The following ZSCAN12 variants were observed in gnomAD, a reference collection of about 807,000 sequenced individuals.
ZSCAN12 encodes the protein zinc finger and SCAN domain-containing protein 12.
A neutral mutation model predicts 23.4 loss-of-function variants in ZSCAN12; 18 were observed. That is an observed-to-expected ratio of 0.77 (90% confidence interval 0.53 to 1.14). The LOEUF is 1.14. Ranked by LOEUF, ZSCAN12 falls within the 50% of genes most tolerant of loss-of-function variation. The pLI is 0.00. For missense variants in ZSCAN12, 650 were observed against 735.0 expected (o/e 0.88, Z 1.34); for synonymous variants, 186 against 253.4 (o/e 0.73, Z 2.53).
intron 2 of ZSCAN12, among the ~76,000 whole-genome samples, chr6:28,396,531 A>T (rs1405240690): frequency 1.3e-5 from 2 of 152,134 alleles, no homozygotes; most frequent in East Asian, 3.9e-4. Context: ...CATCACTTCC[A>T]AACAGTTCTT....
intron 2 of ZSCAN12, among the ~76,000 whole-genome samples, chr6:28,396,674 G>A (rs868669126): frequency 1.3e-5 from 2 of 151,926 alleles, no homozygotes; most frequent in East Asian, 1.9e-4. Flanking sequence ...GCACAATCTC[G>A]GCTCACTGCA....
At chr6:28,395,847 T>C (rs1164883599) in intron 2 of ZSCAN12, among the ~76,000 whole-genome samples, 1 of 152,222 alleles carries the variant, frequency 6.6e-6, no homozygotes, top group African/African-American at 2.4e-5. Flanking sequence ...TATGGCTTGC[T>C]CTTTTCATTC....
chr6:28,386,583 T>C lies in ZSCAN12; in HGVS notation c.*3871A>G, dbSNP rs534443478. 4.2e-4 allele frequency among the ~76,000 whole-genome samples: 64 copies of C among 152,340 alleles called. No homozygotes were observed. The highest frequency in any genetic ancestry group is 1.9e-3 in the South Asian group (9 of 4,830). ...TTCACTGCATTCCCTAATGTAGCAC[T>C]CCTATTCCATATCTAACATGTCACA... On this transcript the variant is annotated 3_prime_UTR_variant, in exon 4 of 4. Transcript: ENST00000684592.
chr6:28,379,522 C>A (rs1760120720), exon 5 of ZSCAN12: 2 of 152,316 alleles, frequency 1.3e-5, no homozygotes, highest in African/African-American at 2.4e-5. Flanking sequence ...ATCACTTGAA[C>A]CTGGGAGGCG....
downstream of ZSCAN12, among the ~76,000 whole-genome samples, chr6:28,383,403 G>T (rs1018255329): frequency 1.3e-5 from 2 of 152,148 alleles, no homozygotes; most frequent in Admixed American, 6.6e-5. Context: ...AGGCCAGAAA[G>T]GTCGGTACTT....
chr6:28,397,871 G>A (rs919467261), intron 2 of ZSCAN12, 133 bp downstream of exon 2: 5 of 1,149,336 alleles, frequency 4.4e-6, no homozygotes, highest in East Asian at 5.3e-5. Flanking sequence ...CCAACTTTCC[G>A]TGAAACTCAT....
chr6:28,395,538 C>T (rs1761063104), intron 2 of ZSCAN12, among the ~76,000 whole-genome samples: 2 of 152,158 alleles, frequency 1.3e-5, no homozygotes, highest in South Asian at 4.1e-4. Flanking sequence ...AAAATGGTTT[C>T]GTTGCCTCTA....
rs1182110543 is a variant in ZSCAN12, at chr6:28,391,717, C to T, written c.573G>A (p.Glu191=). Residue 191 remains glutamate (E), a synonymous_variant, in exon 4 of 4, where the codon GAG becomes GAA. Transcript: ENST00000684592. The surrounding 1 kb of genome is among the most constrained non-coding windows in gnomAD (Gnocchi z 4.1). ...AAACTTCTTGCTTTAAATTCCCATA[C>T]TCATTTCCAGTCTCAACATCTAAAA... ...EQVLDVETGN[E]YGNLKQEVSE... The T allele has an allele frequency of 3.9e-6, 6 of 1,538,616 alleles. No individual in the cohort carries two copies. The highest frequency in any genetic ancestry group is 1.4e-5 in the African/African-American group (1 of 72,620).
chr6:28,382,909 G>A (rs886096360), downstream of ZSCAN12, among the ~76,000 whole-genome samples: 1 of 151,090 alleles, frequency 6.6e-6, no homozygotes, highest in African/African-American at 2.4e-5. Context: ...AAATAACAAC[G>A]GCTAATATTT....
rs1192668501 is a variant in ZSCAN12 at position 28,388,896 on chromosome 6, C to T, written c.*1558G>A. On this transcript the variant is annotated 3_prime_UTR_variant, in exon 4 of 4. Coordinates refer to ENST00000684592, the MANE Select transcript of ZSCAN12 (RefSeq NM_001163391.2). ...TGTAAATAAAAAGACAGATCAGGAG[C>T]CATGTGTACTTCCATGTGGCTTATC... Among the ~76,000 whole-genome samples the T allele has an allele frequency of 6.6e-6, 1 of 152,118 alleles. No individual in the cohort carries two copies. The highest frequency in any genetic ancestry group is 6.5e-5 in the Admixed American group (1 of 15,272).
intron 2 of ZSCAN12, among the ~76,000 whole-genome samples, chr6:28,395,561 A>G (rs1480259935): frequency 2.6e-5 from 4 of 152,132 alleles, no homozygotes; most frequent in Non-Finnish European, 5.9e-5. Context: ...TTTTACTCCT[A>G]TGGCTACCCC....
At chr6:28,397,845 G>T (rs1383710725) in intron 2 of ZSCAN12, among the ~76,000 whole-genome samples, 159 bp downstream of exon 2, 1 of 152,086 alleles carries the variant, frequency 6.6e-6, no homozygotes. Context: ...TTATAAATAA[G>T]TTGGGACCAC....
chr6:28,383,726 C>T (rs979059560), downstream of ZSCAN12, among the ~76,000 whole-genome samples: 2 of 152,168 alleles, frequency 1.3e-5, no homozygotes, highest in South Asian at 4.1e-4. Flanking sequence ...TCCTTTCCAG[C>T]TTGGGCGATA....
At position 28,388,594 on chromosome 6, in the gene ZSCAN12, A is replaced by G. The variant is rs1760662416; in HGVS notation, c.*1860T>C. Among the ~76,000 whole-genome samples the G allele has an allele frequency of 6.6e-6, 1 of 152,190 alleles. No individual in the cohort carries two copies. On this transcript the variant is annotated 3_prime_UTR_variant, in exon 4 of 4. Coordinates refer to ENST00000684592, the MANE Select transcript of ZSCAN12 (RefSeq NM_001163391.2). The stretch of plus-strand genomic sequence containing the variant: ...AGTATATTACAGGAGTGAAGAGAAG[A>G]TGGGACAAAGACACAGGGCTGTGTA...
In ZSCAN12 at chr6:28,389,467, C is replaced by T. The variant is rs757940160; in HGVS notation, c.*987G>A. On this transcript the variant is annotated 3_prime_UTR_variant, in exon 4 of 4. Transcript: ENST00000684592. ...TGTTCAGGCTTCCCCACTTCGCAGACAGCCATGAAGTCAGCTGTCATTCAA... is the reference window on the plus strand; with the variant it reads ...TGTTCAGGCTTCCCCACTTCGCAGATAGCCATGAAGTCAGCTGTCATTCAA... 1.2e-4 allele frequency among the ~76,000 whole-genome samples: 19 copies of T among 152,182 alleles called. No individual in the cohort carries two copies. The highest frequency in any genetic ancestry group is 2.4e-4 in the Non-Finnish European group (16 of 68,028).
At position 28,399,657 on chromosome 6, in the gene ZSCAN12, C is replaced by T. The variant is rs1297154006; in HGVS notation, c.-69G>A. On this transcript the variant is annotated splice_region_variant and 5_prime_UTR_variant, in exon 1 of 4. Coordinates refer to ENST00000684592, the MANE Select transcript of ZSCAN12 (RefSeq NM_001163391.2). ...GCGTACAGAGCACAACATCGCTCACCTGCGGCCCCCAGGGCCAGAAGAGAA... is the reference window on the plus strand; with the variant it reads ...GCGTACAGAGCACAACATCGCTCACTTGCGGCCCCCAGGGCCAGAAGAGAA... 1.3e-5 allele frequency: 2 copies of T among 152,482 alleles called. No individual in the cohort carries two copies. Among genetic ancestry groups the T allele is most frequent in the Non-Finnish European group, 1.5e-5 (1 of 68,250 alleles). 9.4% of individuals were successfully genotyped at this position (152,482 alleles called of 1,614,324 possible).
In ZSCAN12 at chr6:28,393,084, A is replaced by G. The variant is rs74883011; in HGVS notation, c.403-38T>C. The stretch of plus-strand genomic sequence containing the variant: ...AGATGTAGCTGACAGACTCACTCTG[A>G]TAACAGAAAACAAAAAGTATACTAT... On this transcript the variant is annotated intron_variant, in intron 2 of 3. Coordinates refer to ENST00000684592, the MANE Select transcript of ZSCAN12 (RefSeq NM_001163391.2). 8.7e-4 allele frequency: 1,338 copies of G among 1,545,302 alleles called. 10 individuals carry two copies. The African/African-American group carries it at 0.015, about 17-fold the overall frequency.
In ZSCAN12 at chr6:28,391,161, T is replaced by G; in HGVS notation, c.1129A>C (p.Ile377Leu). The change falls in exon 4 of 4, where the codon ATC becomes CTC. Residue 377 changes from isoleucine (I) to leucine (L), a missense_variant. Physicochemically the swap from Ile to Leu is conservative, Grantham distance 5. Transcript: ENST00000684592. This position sits in a 1 kb window ranked among gnomAD's most constrained non-coding sequence, Gnocchi z 4.1. ...GGTTTGTCTCTTGTGTGGATCTTGATATGGTGAAAGAGGCCTGCTTTCTGA... is the reference window on the plus strand; with the variant it reads ...GGTTTGTCTCTTGTGTGGATCTTGAGATGGTGAAAGAGGCCTGCTTTCTGA... ...FSQKAGLFHH[I>L]KIHTRDKPYQ... The G allele has an allele frequency of 6.4e-7, 1 of 1,551,964 alleles. No individual in the cohort carries two copies. Among genetic ancestry groups the G allele is most frequent in the Non-Finnish European group, 8.7e-7 (1 of 1,147,076 alleles).
rs1345146845 is a variant in ZSCAN12 at position 28,397,991 on chromosome 6, T to C, written c.402+13A>G. 4 of 1,548,820 alleles carry C rather than the reference T, an allele frequency of 2.6e-6. No individual in the cohort carries two copies. Among genetic ancestry groups the C allele is most frequent in the Admixed American group, 2.1e-5 (1 of 47,932 alleles). On this transcript the variant is annotated intron_variant, in intron 2 of 3. Coordinates refer to ENST00000684592, the MANE Select transcript of ZSCAN12 (RefSeq NM_001163391.2). ...TATGTTTTCTCAAGCAGAAGTCACATCTTTTTTCTCACCTGCTCTCCTGGT... is the reference window on the plus strand; with the variant it reads ...TATGTTTTCTCAAGCAGAAGTCACACCTTTTTTCTCACCTGCTCTCCTGGT...
Sources: allele counts gnomAD v4.1 joint callset (sites outside exome capture counted in the v4.1 genomes callset), GRCh38; gene constraint gnomAD v4.1.1; non-coding constraint Gnocchi (gnomAD v3.1); transcripts MANE v1.5; gene names NCBI Gene and HGNC (gene_info 2026-07-23, HGNC 2026-07-21).